The following RASGRF1 variants were observed in gnomAD, a reference collection of about 807,000 sequenced individuals.
RASGRF1 encodes Ras protein specific guanine nucleotide releasing factor 1, also known as ras-specific guanine nucleotide-releasing factor 1.
In RASGRF1, 40 loss-of-function variants were observed where a neutral mutation model predicts 138.7. That is an observed-to-expected ratio of 0.29 (90% confidence interval 0.22 to 0.38). The LOEUF is 0.38. Ranked by LOEUF, RASGRF1 falls within the 10% of genes least tolerant of loss-of-function variation. The pLI, the probability that RASGRF1 is intolerant of heterozygous loss-of-function variation, is 1.00. For missense variants in RASGRF1, 1,108 were observed against 1,650.4 expected (o/e 0.67, Z 5.69); for synonymous variants, 614 against 663.2 (o/e 0.93, Z 1.14).
At chr15:79,010,206 T>C (rs1293316141) in intron 13 of RASGRF1, among the ~76,000 whole-genome samples, 2 of 151,892 alleles carry the variant, frequency 1.3e-5, no homozygotes, top group Non-Finnish European at 2.9e-5. Context: ...CCAGCTAATT[T>C]TTTGTATTTT....
chr15:78,970,786 T>G (rs2055741640), intron 26 of RASGRF1, among the ~76,000 whole-genome samples: 1 of 151,548 alleles, frequency 6.6e-6, no homozygotes, highest in African/African-American at 2.4e-5. Context: ...ACCATTCTTT[T>G]TTATTAAACA....
chr15:78,987,801 G>C (rs1390189003), intron 22 of RASGRF1, among the ~76,000 whole-genome samples: 10 of 152,172 alleles, frequency 6.6e-5, no homozygotes, highest in Admixed American at 3.3e-4. Flanking sequence ...AGAGAGACGG[G>C]ACTAGGGTGA....
At chr15:78,982,870 T>A (rs2056066247) in intron 23 of RASGRF1, among the ~76,000 whole-genome samples, 1 of 151,732 alleles carries the variant, frequency 6.6e-6, no homozygotes, top group Admixed American at 6.6e-5. Flanking sequence ...AGTATCATCA[T>A]CAGATCGTCT....
chr15:79,087,516 TCTAGTTAAACAGATGG>T (rs2057997173), intron 1 of RASGRF1, among the ~76,000 whole-genome samples: 1 of 152,190 alleles, frequency 6.6e-6, no homozygotes, highest in African/African-American at 2.4e-5. Context: ...CACCAGCTAG[TCTAGTTAAACAGATGG>T]CTTCGTAGAC....
chr15:79,031,571 A>G, intron 7 of RASGRF1, 62 bp from the exon 8 acceptor site: 2 of 940,298 alleles, frequency 2.1e-6, no homozygotes. Flanking sequence ...CCGGGGAGCA[A>G]GGCAGGGGCA....
chr15:78,976,125 T>C lies in RASGRF1; in HGVS notation c.3495-2705A>G, dbSNP rs78455085. Among the ~76,000 whole-genome samples, 29 of 151,502 alleles carry C rather than the reference T, an allele frequency of 1.9e-4. No homozygotes were observed. The East Asian group carries it at 2.1e-3, about 11-fold the overall frequency. ...GGGGGTTTCTGACCACCCAGATCAGTGAAAAGGATCAGAGGTCCTCTGATC... is the reference window on the plus strand; with the variant it reads ...GGGGGTTTCTGACCACCCAGATCAGCGAAAAGGATCAGAGGTCCTCTGATC... On this transcript the variant is annotated intron_variant, in intron 24 of 26. Coordinates refer to ENST00000558480, the MANE Select transcript of RASGRF1 (RefSeq NM_001145648.3).
chr15:78,999,870 G>T lies in RASGRF1; in HGVS notation c.2619C>A (p.Ser873=), dbSNP rs761893851. The T allele has an allele frequency of 3.1e-6, 5 of 1,614,078 alleles. No individual in the cohort carries two copies. The highest frequency in any genetic ancestry group is 4.2e-6 in the Non-Finnish European group (5 of 1,180,024). Residue 873 remains serine, a synonymous_variant, in exon 17 of 27, where the codon TCC becomes TCA. Coordinates refer to ENST00000558480, the MANE Select transcript of RASGRF1 (RefSeq NM_001145648.3). The stretch of plus-strand genomic sequence containing the variant: ...TGCGGTTATTGTCCAGTTCACGACA[G>T]GAGGTCATGACGACTCCATTGTTAT... ...FSYNNGVVMT[S]CRELDNNRSA...
At chr15:79,036,586 G>A (rs1248830357) in intron 5 of RASGRF1, among the ~76,000 whole-genome samples, 1 of 152,190 alleles carries the variant, frequency 6.6e-6, no homozygotes, top group Non-Finnish European at 1.5e-5. Context: ...CATTTGGTGA[G>A]CACAGAGATG....
intron 25 of RASGRF1, 142 bp from the exon 26 acceptor site, chr15:78,972,076 G>A (rs947252836): frequency 3.3e-5 from 25 of 764,922 alleles, no homozygotes; most frequent in Non-Finnish European, 4.5e-5. Flanking sequence ...AAGGTCCCAC[G>A]GAGGCATCAT....
chr15:78,999,796 T>A lies in RASGRF1; in HGVS notation c.2693A>T (p.Asn898Ile), dbSNP rs762359214. The change falls in exon 17 of 27, where the codon AAC (asparagine) becomes ATC (isoleucine). Residue 898 changes from asparagine to isoleucine, a missense_variant. Around this residue, in one of 3 missense-constraint regions of RASGRF1, gnomAD observed 686 missense variants for 976.7 expected, o/e 0.70. Transcript: ENST00000558480. ...SAFAIATAGA[N>I]EGTPNKEKYR... The stretch of plus-strand genomic sequence containing the variant: ...CTTCTCCTTGTTTGGGGTGCCCTCG[T>A]TGGCCCCGGCGGTTGCTATGGCAAA... 1 of 1,614,172 alleles carries A rather than the reference T, an allele frequency of 6.2e-7. No homozygotes were observed. Among genetic ancestry groups the A allele is most frequent in the Admixed American group, 1.7e-5 (1 of 60,032 alleles).
At chr15:79,016,904 C>T (rs1372685753) in intron 12 of RASGRF1, among the ~76,000 whole-genome samples, 2 of 152,198 alleles carry the variant, frequency 1.3e-5, no homozygotes, top group Non-Finnish European at 2.9e-5. Context: ...CTGCAACCCT[C>T]TAGACCATGG....
chr15:78,972,091 G>A (rs1467010437), intron 25 of RASGRF1, among the ~76,000 whole-genome samples, 157 bp from the exon 26 acceptor site: 2 of 152,020 alleles, frequency 1.3e-5, no homozygotes, highest in Admixed American at 1.3e-4. Flanking sequence ...CATCATGTGT[G>A]TTTGTTTTTA....
chr15:79,090,285 C>T lies in RASGRF1; in HGVS notation c.214G>A (p.Val72Ile). 3 of 1,612,788 alleles carry T rather than the reference C, an allele frequency of 1.9e-6. No homozygotes were observed. Among genetic ancestry groups the T allele is most frequent in the South Asian group, 1.1e-5 (1 of 91,074 alleles). ...PSGLYLLEGC[V>I]CDRAPSPKPA... is the part of the protein sequence containing the mutation. ...TTGGGGGAGGGCGCGCGGTCGCAGA[C>T]GCAGCCCTCCAGCAGGTAAAGCCCC... Residue 72 changes from valine (V) to isoleucine (I), a missense_variant, in exon 1 of 27, where the codon GTC becomes ATC. This residue lies in a region of RASGRF1 where 253 missense variants were observed against 329.5 expected (regional missense o/e 0.77). Transcript: ENST00000558480.
At position 79,001,653 on chromosome 15, in the gene RASGRF1, G is replaced by T; in HGVS notation, c.2575+9C>A. 6.2e-7 allele frequency: 1 copy of T among 1,612,954 alleles called. No homozygotes were observed. On this transcript the variant is annotated intron_variant, in intron 16 of 26. Transcript: ENST00000558480. ...AATCTATTTGTGGTTTTGAATTGGT[G>T]CATTGTACCTGAAGAATTTTTGTTT...
chr15:79,059,824 AT>A (rs1437809987), intron 2 of RASGRF1, among the ~76,000 whole-genome samples: 9 of 152,306 alleles, frequency 5.9e-5, no homozygotes, highest in African/African-American at 2.2e-4. Flanking sequence ...TCTACATGAT[AT>A]TAATACACTC....
intron 5 of RASGRF1, among the ~76,000 whole-genome samples, chr15:79,044,271 C>A (rs542616901): frequency 6.6e-6 from 1 of 152,356 alleles, no homozygotes; most frequent in Non-Finnish European, 1.5e-5. Context: ...TTTGCACATG[C>A]TGTTCTCTCT....
In RASGRF1 at chr15:79,032,786, G is replaced by T. The variant is rs554929391; in HGVS notation, c.959-470C>A. 6.6e-6 allele frequency among the ~76,000 whole-genome samples: 1 copy of T among 152,300 alleles called. No individual in the cohort carries two copies. The highest frequency in any genetic ancestry group is 2.1e-4 in the South Asian group (1 of 4,832). Reference sequence around the variant, plus strand: ...CACCCCTTCTCCAGAGCTTCCTGTGGGGTCGGCTGAGGCTTCTGTTGCAGC... The same window carrying T: ...CACCCCTTCTCCAGAGCTTCCTGTGTGGTCGGCTGAGGCTTCTGTTGCAGC... On this transcript the variant is annotated intron_variant, in intron 6 of 26. Transcript: ENST00000558480. This position sits in a 1 kb window ranked among gnomAD's most constrained non-coding sequence, Gnocchi z 4.5.
intron 3 of RASGRF1, among the ~76,000 whole-genome samples, chr15:79,051,004 T>C (rs891262465): frequency 1.3e-5 from 2 of 152,140 alleles, no homozygotes; most frequent in Non-Finnish European, 2.9e-5. Context: ...TCTACACAAA[T>C]AAGTGAATTA....
At chr15:79,005,331 G>T in intron 14 of RASGRF1, 1 of 985,482 alleles carries the variant, frequency 1.0e-6, no homozygotes, top group Non-Finnish European at 1.2e-6. Flanking sequence ...TGATTCAGGA[G>T]CTCTGCTCCA....
Sources: gnomAD v4.1 joint callset for allele counts (sites outside exome capture counted in the v4.1 genomes callset) on GRCh38, gnomAD v4.1.1 for gene constraint, gnomAD v4.1.1 regional missense constraint, Gnocchi (gnomAD v3.1) non-coding constraint, MANE v1.5 for transcripts, NCBI Gene and HGNC (gene_info 2026-07-23, HGNC 2026-07-21) for gene names.